Variants in PCBP3 observed in about 807,000 individuals in gnomAD.
PCBP3 encodes poly(rC)-binding protein 3.
PCBP3 carries 25 observed loss-of-function variants against 52.7 expected under a neutral mutation model. The ratio of observed to expected loss-of-function variants is 0.47; its 90% CI spans 0.35 to 0.66. The LOEUF (loss-of-function observed/expected upper bound fraction) is 0.66. Ranked by LOEUF, PCBP3 falls within the 30% of genes least tolerant of loss-of-function variation. The pLI is 0.01. For synonymous variants in PCBP3, 162 were observed against 183.0 expected (o/e 0.89, Z 0.93); for missense variants, 391 against 490.3 (o/e 0.80, Z 1.91).
At chr21:45,845,150 A>C (rs954396827) in intron 4 of PCBP3, among the ~76,000 whole-genome samples, 9 of 152,202 alleles carry the variant, frequency 5.9e-5, no homozygotes, top group African/African-American at 2.2e-4. Context: ...CCTTTTGTTC[A>C]TCTTAACCAG....
intron 2 of PCBP3, among the ~76,000 whole-genome samples, chr21:45,687,263 A>C (rs1304733716): frequency 6.6e-6 from 1 of 152,200 alleles, no homozygotes; most frequent in Non-Finnish European, 1.5e-5. Context: ...AATTAAGGAG[A>C]AATAAAGACT....
Position 45,735,909 on chromosome 21 carries a change from T to A in PCBP3, c.-162+480T>A, listed in dbSNP as rs2085836925. 6.6e-6 allele frequency among the ~76,000 whole-genome samples: 1 copy of A among 152,192 alleles called. No homozygotes were observed. The highest frequency in any genetic ancestry group is 2.4e-5 in the African/African-American group (1 of 41,452). ...CCACACAGTGCATGGGTGACATCTG[T>A]GGAAAGGACCTGGCACCGGCCAGCA... is the stretch of plus-strand genomic sequence containing the variant. On this transcript the variant is annotated intron_variant, in intron 3 of 17. Coordinates refer to ENST00000681687, the MANE Select transcript of PCBP3 (RefSeq NM_001384156.1). The surrounding 1 kb of genome is among the most constrained non-coding windows in gnomAD (Gnocchi z 4.0).
At chr21:45,875,567 C>G (rs568302598) in intron 5 of PCBP3, among the ~76,000 whole-genome samples, 1 of 152,308 alleles carries the variant, frequency 6.6e-6, no homozygotes, top group Non-Finnish European at 1.5e-5. Flanking sequence ...CCTCTGCTTC[C>G]CCCTGGCTCA....
rs375691208 is a variant in PCBP3 at position 45,705,367 on chromosome 21, G to T, written c.-199-30025G>T. On this transcript the variant is annotated intron_variant, in intron 2 of 17. Coordinates refer to ENST00000681687, the MANE Select transcript of PCBP3 (RefSeq NM_001384156.1). ...AGGTCACAGTAGGACCCAGACTGGAGATGTGGGCACAGTGGGTAAGTGACA... is the reference window on the plus strand; with the variant it reads ...AGGTCACAGTAGGACCCAGACTGGATATGTGGGCACAGTGGGTAAGTGACA... Among the ~76,000 whole-genome samples, 18 of 152,354 alleles carry T rather than the reference G, an allele frequency of 1.2e-4. No homozygotes were observed. In the East Asian group the frequency reaches 2.1e-3, roughly 18 times the overall value.
At chr21:45,677,949 A>C (rs563969014) in intron 2 of PCBP3, among the ~76,000 whole-genome samples, 1 of 152,372 alleles carries the variant, frequency 6.6e-6, no homozygotes, top group East Asian at 1.9e-4. Context: ...AGAGATGTGC[A>C]AGGAGATGAA....
intron 5 of PCBP3, among the ~76,000 whole-genome samples, chr21:45,876,062 C>T (rs1255591832): frequency 1.3e-5 from 2 of 152,186 alleles, no homozygotes; most frequent in African/African-American, 4.8e-5. Context: ...GTCCCTGCTG[C>T]GTTCAGCTTC....
rs372562926 is a variant in PCBP3 at position 45,935,290 on chromosome 21, C to A, written c.894C>A (p.Leu298=). The A allele has an allele frequency of 8.7e-6, 14 of 1,612,904 alleles. No homozygotes were observed. Among genetic ancestry groups the A allele is most frequent in the Non-Finnish European group, 1.2e-5 (14 of 1,179,270 alleles). ...GCCCACCGGCCAGCACTCATGAGCT[C>A]ACCATTCCCAATGATGTGAGTATGC... is the stretch of plus-strand genomic sequence containing the variant. ...DASPPASTHE[L]TIPNDLIGCI... The change falls in exon 16 of 18, where the codon CTC becomes CTA. Residue 298 remains leucine (L), a synonymous_variant. Transcript: ENST00000681687.
intron 4 of PCBP3, among the ~76,000 whole-genome samples, chr21:45,789,388 G>A (rs566378348): frequency 2.0e-5 from 3 of 152,314 alleles, no homozygotes; most frequent in African/African-American, 4.8e-5. Context: ...ATGAGTGCAC[G>A]AGTGTGTGCA....
intron 4 of PCBP3, among the ~76,000 whole-genome samples, chr21:45,780,967 AT>A (rs1484466295): frequency 6.6e-6 from 1 of 152,154 alleles, no homozygotes; most frequent in East Asian, 1.9e-4. Context: ...CTGGGCAGTC[AT>A]TTGGGCTGTG....
At chr21:45,840,833 T>TA (rs1400047881) in intron 4 of PCBP3, among the ~76,000 whole-genome samples, 1 of 152,208 alleles carries the variant, frequency 6.6e-6, no homozygotes, top group Non-Finnish European at 1.5e-5. Context: ...TAGGCTGGTC[T>TA]CAAACTCCTA....
intron 2 of PCBP3, among the ~76,000 whole-genome samples, chr21:45,677,795 A>G (rs1022668133): frequency 6.6e-6 from 1 of 152,228 alleles, no homozygotes; most frequent in Non-Finnish European, 1.5e-5. Context: ...TACGGGAACA[A>G]CAAAGCCTAG....
intron 6 of PCBP3, among the ~76,000 whole-genome samples, 200 bp from the exon 7 acceptor site, chr21:45,899,399 G>A (rs1391621806): frequency 6.6e-6 from 1 of 152,082 alleles, no homozygotes; most frequent in Non-Finnish European, 1.5e-5. Flanking sequence ...CCGGCTCAGG[G>A]CCTCTGTATG....
chr21:45,650,884 A>G (rs956643625), intron 1 of PCBP3, among the ~76,000 whole-genome samples: 1 of 152,190 alleles, frequency 6.6e-6, no homozygotes. Context: ...ATTGGCCAGA[A>G]GGAGTCATTC....
intron 1 of PCBP3, among the ~76,000 whole-genome samples, chr21:45,648,296 G>A (rs1271932387): frequency 6.6e-6 from 1 of 152,198 alleles, no homozygotes; most frequent in Non-Finnish European, 1.5e-5. Context: ...ATTAAGGAGG[G>A]AATAACATGA....
At position 45,935,310 on chromosome 21, in the gene PCBP3, G is replaced by A; in HGVS notation, c.909+5G>A. 1 of 1,609,016 alleles carries A rather than the reference G, an allele frequency of 6.2e-7. No individual in the cohort carries two copies. The highest frequency in any genetic ancestry group is 8.5e-7 in the Non-Finnish European group (1 of 1,175,954). On this transcript the variant is annotated splice_donor_5th_base_variant and intron_variant, in intron 16 of 17. Coordinates refer to ENST00000681687, the MANE Select transcript of PCBP3 (RefSeq NM_001384156.1). The stretch of plus-strand genomic sequence containing the variant: ...GAGCTCACCATTCCCAATGATGTGA[G>A]TATGCCCGCTGTACCTGCCTGTCCC...
intron 11 of PCBP3, among the ~76,000 whole-genome samples, chr21:45,912,550 G>A (rs144567552): frequency 1.3e-4 from 20 of 152,268 alleles, no homozygotes; most frequent in African/African-American, 4.8e-4. Flanking sequence ...GGCCTGCTGA[G>A]AATACAGACA....
chr21:45,832,187 A>G (rs1172108984), intron 4 of PCBP3, among the ~76,000 whole-genome samples: 1 of 152,156 alleles, frequency 6.6e-6, no homozygotes, highest in African/African-American at 2.4e-5. Flanking sequence ...AGGGGATTTT[A>G]CACCATACGG....
intron 13 of PCBP3, among the ~76,000 whole-genome samples, chr21:45,925,516 C>A (rs1303056856): frequency 1.3e-5 from 2 of 152,050 alleles, no homozygotes; most frequent in Non-Finnish European, 2.9e-5. Context: ...GCAAAGGCTG[C>A]CAGACTATAT....
chr21:45,851,315 C>A (rs1356922941), intron 5 of PCBP3, among the ~76,000 whole-genome samples: 1 of 152,196 alleles, frequency 6.6e-6, no homozygotes, highest in Non-Finnish European at 1.5e-5. Context: ...GAGTTTGAGA[C>A]CAGCCTGGCC....
Sources: gnomAD v4.1 joint callset for allele counts (sites outside exome capture counted in the v4.1 genomes callset) on GRCh38, gnomAD v4.1.1 for gene constraint, Gnocchi (gnomAD v3.1) non-coding constraint, MANE v1.5 for transcripts, NCBI Gene and HGNC (gene_info 2026-07-23, HGNC 2026-07-21) for gene names.